ITSN1: variants seen among roughly 807,000 people sequenced by gnomAD.
The protein encoded by ITSN1 is intersectin-1.
ITSN1 carries 58 observed loss-of-function variants against 239.8 expected under a neutral mutation model. The observed-to-expected ratio is 0.24, with a 90% confidence interval of 0.20 to 0.30. The LOEUF (loss-of-function observed/expected upper bound fraction) is 0.30. Ranked by LOEUF, ITSN1 falls within the 10% of genes least tolerant of loss-of-function variation. The pLI is 1.00. For missense variants in ITSN1, 1,558 were observed against 2,103.3 expected (o/e 0.74, Z 5.07); for synonymous variants, 780 against 770.8 (o/e 1.01, Z -0.20).
At position 33,882,165 on chromosome 21, in the gene ITSN1, C is replaced by G; in HGVS notation, c.4342-78C>G. ...ATCCGAGTCTGCTGGGGCCTGGCCTCTGATTCTGATGGAGCCCATGCTTTC... is the reference window on the plus strand; with the variant it reads ...ATCCGAGTCTGCTGGGGCCTGGCCTGTGATTCTGATGGAGCCCATGCTTTC... On this transcript the variant is annotated intron_variant, in intron 34 of 39. Coordinates refer to ENST00000381318, the MANE Select transcript of ITSN1 (RefSeq NM_003024.3). This position sits in a 1 kb window ranked among gnomAD's most constrained non-coding sequence, Gnocchi z 4.5. 7.7e-7 allele frequency: 1 copy of G among 1,299,414 alleles called. No individual in the cohort carries two copies. The highest frequency in any genetic ancestry group is 1.1e-6 in the Non-Finnish European group (1 of 927,398). 80.5% of individuals were successfully genotyped at this position (1,299,414 alleles called of 1,614,324 possible). A position where few individuals can be genotyped will look rare whatever the true frequency, so the allele number is the denominator to read the frequency against.
chr21:33,809,072 G>T (rs2072698084), intron 20 of ITSN1, among the ~76,000 whole-genome samples: 1 of 152,176 alleles, frequency 6.6e-6, no homozygotes. Flanking sequence ...CATAAAAGAA[G>T]ATCCAAATGG....
intron 16 of ITSN1, among the ~76,000 whole-genome samples, chr21:33,791,908 AT>A (rs760210203): frequency 4.6e-5 from 7 of 152,066 alleles, no homozygotes; most frequent in Non-Finnish European, 7.4e-5. Flanking sequence ...CTGAAATGTT[AT>A]TTCTCTTCCG....
At chr21:33,770,909 G>A (rs2069112251) in intron 11 of ITSN1, among the ~76,000 whole-genome samples, 1 of 151,748 alleles carries the variant, frequency 6.6e-6, no homozygotes. Flanking sequence ...GGTTAAAGGT[G>A]CCTGCCACCA....
At chr21:33,863,453 C>T (rs545162587) in intron 31 of ITSN1, among the ~76,000 whole-genome samples, 4 of 152,264 alleles carry the variant, frequency 2.6e-5, no homozygotes, top group Non-Finnish European at 4.4e-5. Context: ...GTCAGCAGTT[C>T]GAGACCAGCC....
chr21:33,656,830 C>T (rs548218790), intron 1 of ITSN1, among the ~76,000 whole-genome samples: 1 of 152,328 alleles, frequency 6.6e-6, no homozygotes, highest in Non-Finnish European at 1.5e-5. Context: ...CCTGCCTCAG[C>T]TTCCCAAGTA....
rs1383676753 is a variant in ITSN1 at position 33,890,910 on chromosome 21, C to T, written c.*2610C>T. On this transcript the variant is annotated 3_prime_UTR_variant, in exon 40 of 40. Coordinates refer to ENST00000381318, the MANE Select transcript of ITSN1 (RefSeq NM_003024.3). ...GCTCTGAGCCACACTGCTAGCTTCT[C>T]CTGCACACTCTGATCTCCTTTAGCC... 5 of 152,734 alleles carry T rather than the reference C, an allele frequency of 3.3e-5. No homozygotes were observed. Among genetic ancestry groups the T allele is most frequent in the Admixed American group, 6.5e-5 (1 of 15,306 alleles). 9.5% of individuals were successfully genotyped at this position (152,734 alleles called of 1,614,324 possible). A position where few individuals can be genotyped will look rare whatever the true frequency, so the allele number is the denominator to read the frequency against.
intron 29 of ITSN1, among the ~76,000 whole-genome samples, chr21:33,851,778 C>CTTTTTTTTT (rs35567402): frequency 1.5e-5 from 1 of 66,206 alleles, no homozygotes; most frequent in Non-Finnish European, 2.6e-5. Flanking sequence ...CTTTTCTTTC[C>CTTTTTTTTT]TTTTTTTTTT....
chr21:33,703,874 T>C (rs75500040), intron 1 of ITSN1, among the ~76,000 whole-genome samples: 2,083 of 152,336 alleles, frequency 0.014, 23 homozygotes, highest in South Asian at 0.029. Flanking sequence ...TTTCCGTGTG[T>C]TGTCTCCTCG....
intron 1 of ITSN1, among the ~76,000 whole-genome samples, chr21:33,706,555 A>C (rs1325783350): frequency 6.6e-6 from 1 of 152,074 alleles, no homozygotes; most frequent in East Asian, 1.9e-4. Context: ...TTTGGATTCA[A>C]CATAGACTAT....
chr21:33,784,680 T>C (rs991929143), intron 16 of ITSN1, among the ~76,000 whole-genome samples: 2 of 152,216 alleles, frequency 1.3e-5, no homozygotes, highest in African/African-American at 2.4e-5. Flanking sequence ...ATCAAAAGAT[T>C]TATAGAATTT....
chr21:33,755,987 G>A (rs938299597), intron 8 of ITSN1, among the ~76,000 whole-genome samples: 2 of 152,094 alleles, frequency 1.3e-5, no homozygotes, highest in South Asian at 2.1e-4. Flanking sequence ...TTTTTCTCAC[G>A]AAGGTTTAAA....
At chr21:33,679,575 G>A (rs1601595555) in intron 1 of ITSN1, among the ~76,000 whole-genome samples, 1 of 151,564 alleles carries the variant, frequency 6.6e-6, no homozygotes, top group Non-Finnish European at 1.5e-5. Context: ...TTTTACAATT[G>A]TTGCTTTCTT....
chr21:33,829,126 G>A (rs1056526319), intron 26 of ITSN1: 2 of 399,260 alleles, frequency 5.0e-6, no homozygotes, highest in Non-Finnish European at 9.8e-6. Context: ...GCCCCTGCCG[G>A]GCTCCCAGTG....
chr21:33,790,241 A>T (rs547998611), intron 16 of ITSN1, among the ~76,000 whole-genome samples: 1 of 151,954 alleles, frequency 6.6e-6, no homozygotes, highest in African/African-American at 2.4e-5. Context: ...ATTCTGCATA[A>T]ATTGTGATTT....
chr21:33,761,036 C>CT (rs765976928), intron 8 of ITSN1, among the ~76,000 whole-genome samples: 2,416 of 133,792 alleles, frequency 0.018, 34 homozygotes, highest in African/African-American at 0.05. Context: ...AGGAATTCTT[C>CT]TTTTTTTTTT....
chr21:33,783,691 CAAA>C (rs11349210), intron 16 of ITSN1, among the ~76,000 whole-genome samples: 19 of 132,030 alleles, frequency 1.4e-4, no homozygotes, highest in East Asian at 2.1e-4. Flanking sequence ...CTTTTATAAG[CAAA>C]AAAAAAAAAA....
At chr21:33,658,860 T>C (rs1247674870) in intron 1 of ITSN1, among the ~76,000 whole-genome samples, 1 of 152,354 alleles carries the variant, frequency 6.6e-6, no homozygotes, top group East Asian at 1.9e-4. Flanking sequence ...TCCTAGCACA[T>C]AGCTTCCAAA....
At chr21:33,649,729 A>G (rs572516500) in intron 1 of ITSN1, among the ~76,000 whole-genome samples, 11 of 152,194 alleles carry the variant, frequency 7.2e-5, no homozygotes, top group Non-Finnish European at 1.5e-4. Context: ...GAAAATAACA[A>G]TGTCTGGCCG....
At chr21:33,856,031 T>C (rs1243877987) in intron 29 of ITSN1, among the ~76,000 whole-genome samples, 1 of 152,214 alleles carries the variant, frequency 6.6e-6, no homozygotes, top group African/African-American at 2.4e-5. Context: ...GGTTTGGCTC[T>C]TGCCTTCACC....
Sources: allele counts gnomAD v4.1 joint callset (sites outside exome capture counted in the v4.1 genomes callset), GRCh38; gene constraint gnomAD v4.1.1; non-coding constraint Gnocchi (gnomAD v3.1); transcripts MANE v1.5; gene names NCBI Gene and HGNC (gene_info 2026-07-23, HGNC 2026-07-21).